Variants in AP1M1 observed in about 807,000 individuals in gnomAD.
AP1M1 encodes the protein adaptor related protein complex 1 subunit mu 1.
AP1M1 carries 18 observed loss-of-function variants against 57.1 expected under a neutral mutation model. The observed-to-expected ratio is 0.32, with a 90% CI of 0.22 to 0.47. The LOEUF is 0.47. Ranked by LOEUF, AP1M1 falls within the 20% of genes least tolerant of loss-of-function variation. AP1M1 has a pLI of 1.00. For synonymous variants in AP1M1, 241 were observed against 237.9 expected (o/e 1.01, Z -0.12); for missense variants, 362 against 593.5 (o/e 0.61, Z 4.05).
In AP1M1 at chr19:16,244,717, C is replaced by G. The variant is rs1450772183; in HGVS notation, c.*10282C>G. 1 of 151,814 alleles carries G rather than the reference C, an allele frequency of 6.6e-6. No homozygotes were observed. The highest frequency in any genetic ancestry group is 1.5e-5 in the Non-Finnish European group (1 of 67,906). The allele number at this position is 151,814 out of a possible 1,614,324, so 9.4% of individuals were successfully genotyped here. On this transcript the variant is annotated 3_prime_UTR_variant, in exon 12 of 12. Coordinates refer to ENST00000291439, the MANE Select transcript of AP1M1 (RefSeq NM_032493.4). ...CGGTGGCGGGCGCCTGTAGTCCCAG[C>G]TACTCCGGAGGCTGAGGCAGGAGAA...
intron 9 of AP1M1, among the ~76,000 whole-genome samples, chr19:16,230,973 A>G (rs980642156): frequency 2.0e-5 from 3 of 152,104 alleles, no homozygotes; most frequent in African/African-American, 7.2e-5. Flanking sequence ...GACAAAAGGA[A>G]CTGCAAAAAA....
chr19:16,199,960 C>T (rs1308396302), intron 1 of AP1M1, among the ~76,000 whole-genome samples: 2 of 152,184 alleles, frequency 1.3e-5, no homozygotes, highest in African/African-American at 4.8e-5. Context: ...GCTCAAAACC[C>T]ATCCCTGCTG....
chr19:16,221,107 A>C (rs2091542350), intron 5 of AP1M1, among the ~76,000 whole-genome samples: 1 of 152,090 alleles, frequency 6.6e-6, no homozygotes, highest in East Asian at 1.9e-4. Context: ...TGTTTCCTAA[A>C]ATATGGTTTT....
intron 5 of AP1M1, among the ~76,000 whole-genome samples, chr19:16,209,663 T>A (rs987745414): frequency 6.6e-6 from 1 of 151,744 alleles, no homozygotes; most frequent in Non-Finnish European, 1.5e-5. Context: ...TCAGAAAGAT[T>A]AGGATTTATT....
In AP1M1 at chr19:16,204,731, T is replaced by C. The variant is rs527558168; in HGVS notation, c.199+1116T>C. On this transcript the variant is annotated intron_variant, in intron 2 of 11. Transcript: ENST00000291439. The stretch of plus-strand genomic sequence containing the variant: ...CTGGTGGCCGGTGTGCACATTCCCA[T>C]GTGGGCCGTGCTGGCCCAGGGCTCC... Among the ~76,000 whole-genome samples, 9 of 152,224 alleles carry C rather than the reference T, an allele frequency of 5.9e-5. No homozygotes were observed. In the East Asian group the frequency reaches 1.7e-3, roughly 29 times the overall value.
intron 1 of AP1M1, among the ~76,000 whole-genome samples, chr19:16,199,239 C>T (rs1204732303): frequency 6.6e-6 from 1 of 152,088 alleles, no homozygotes; most frequent in Non-Finnish European, 1.5e-5. Context: ...AGCCTCAGCC[C>T]GAGGATGAGA....
In AP1M1 at chr19:16,207,915, T is replaced by A; in HGVS notation, c.268-104T>A. Reference sequence around the variant, plus strand: ...CCGAGCCTGGGAAGTAGGCTGTTGGTAGGACTTAGCGGGCAAATGAATGTG... The same window carrying A: ...CCGAGCCTGGGAAGTAGGCTGTTGGAAGGACTTAGCGGGCAAATGAATGTG... On this transcript the variant is annotated intron_variant, in intron 3 of 11. Coordinates refer to ENST00000291439, the MANE Select transcript of AP1M1 (RefSeq NM_032493.4). This position sits in a 1 kb window ranked among gnomAD's most constrained non-coding sequence, Gnocchi z 4.2. The A allele has an allele frequency of 7.0e-7, 1 of 1,430,334 alleles. No individual in the cohort carries two copies. Among genetic ancestry groups the A allele is most frequent in the South Asian group, 1.3e-5 (1 of 76,190 alleles). The allele number at this position is 1,430,334 out of a possible 1,614,324, so 88.6% of individuals were successfully genotyped here.
Position 16,243,496 on chromosome 19 carries a change from C to G in AP1M1, c.*9061C>G, listed in dbSNP as rs929999875. 7.0e-6 allele frequency: 1 copy of G among 142,758 alleles called. No individual in the cohort carries two copies. Among genetic ancestry groups the G allele is most frequent in the African/African-American group, 2.5e-5 (1 of 39,530 alleles). The allele number at this position is 142,758 out of a possible 1,614,324, so 8.8% of individuals were successfully genotyped here. On this transcript the variant is annotated 3_prime_UTR_variant, in exon 12 of 12. Coordinates refer to ENST00000291439, the MANE Select transcript of AP1M1 (RefSeq NM_032493.4). ...GTTTTGCCATGTTGCCCAGGCTGGT[C>G]TTGCACTTGGGCTCAAGTGATCCAC... is the stretch of plus-strand genomic sequence containing the variant.
chr19:16,240,922 A>G lies in AP1M1; in HGVS notation c.*6487A>G, dbSNP rs2091643429. On this transcript the variant is annotated 3_prime_UTR_variant, in exon 12 of 12. Coordinates refer to ENST00000291439, the MANE Select transcript of AP1M1 (RefSeq NM_032493.4). ...ATGTCTCTCCAAAGAGCAATTGGACAGAGAACTGGTTTCACAACTGGAACA... is the reference window on the plus strand; with the variant it reads ...ATGTCTCTCCAAAGAGCAATTGGACGGAGAACTGGTTTCACAACTGGAACA... 6.6e-6 allele frequency: 1 copy of G among 152,270 alleles called. No homozygotes were observed. Among genetic ancestry groups the G allele is most frequent in the African/African-American group, 2.4e-5 (1 of 41,474 alleles). The allele number at this position is 152,270 out of a possible 1,614,324, so 9.4% of individuals were successfully genotyped here.
At chr19:16,219,579 G>T (rs2091534113) in intron 5 of AP1M1, among the ~76,000 whole-genome samples, 1 of 151,924 alleles carries the variant, frequency 6.6e-6, no homozygotes, top group South Asian at 2.1e-4. Context: ...TGTATTTTTA[G>T]TAGAAACGGG....
chr19:16,204,663 C>G (rs2091462113), intron 2 of AP1M1, among the ~76,000 whole-genome samples: 1 of 152,200 alleles, frequency 6.6e-6, no homozygotes, highest in South Asian at 2.1e-4. Context: ...AGGCTCCACC[C>G]AGCCCTGCCC....
chr19:16,235,092 C>G lies in AP1M1; in HGVS notation c.*657C>G, dbSNP rs535681487. The stretch of plus-strand genomic sequence containing the variant: ...GGCCACTGTAGCGTCTGCCTGCTCC[C>G]TGGACTCGCAGGCCTCGCCTGTGGC... On this transcript the variant is annotated 3_prime_UTR_variant, in exon 12 of 12. Transcript: ENST00000291439. 2.0e-5 allele frequency: 3 copies of G among 152,696 alleles called. No individual in the cohort carries two copies. Among genetic ancestry groups the G allele is most frequent in the African/African-American group, 7.2e-5 (3 of 41,586 alleles). The allele number at this position is 152,696 out of a possible 1,614,324, so 9.5% of individuals were successfully genotyped here. A position where few individuals can be genotyped will look rare whatever the true frequency, so the allele number is the denominator to read the frequency against.
At chr19:16,218,178 C>G (rs1404521086) in intron 5 of AP1M1, among the ~76,000 whole-genome samples, 2 of 152,234 alleles carry the variant, frequency 1.3e-5, no homozygotes, top group Non-Finnish European at 2.9e-5. Context: ...TGGGGTAGCC[C>G]CGCTCCATAG....
In AP1M1 at chr19:16,243,702, G is replaced by A. The variant is rs945831414; in HGVS notation, c.*9267G>A. 3 of 152,104 alleles carry A rather than the reference G, an allele frequency of 2.0e-5. No individual in the cohort carries two copies. The highest frequency in any genetic ancestry group is 6.6e-5 in the Admixed American group (1 of 15,244). The allele number at this position is 152,104 out of a possible 1,614,324, so 9.4% of individuals were successfully genotyped here. A position where few individuals can be genotyped will look rare whatever the true frequency, so the allele number is the denominator to read the frequency against. On this transcript the variant is annotated 3_prime_UTR_variant, in exon 12 of 12. Coordinates refer to ENST00000291439, the MANE Select transcript of AP1M1 (RefSeq NM_032493.4). ...CATGTCTATAATCCCAGCACTTTAG[G>A]AGGCTGAAGCAGGTGAATCACTTGA...
At position 16,208,129 on chromosome 19, in the gene AP1M1, C is replaced by G; in HGVS notation, c.378C>G (p.Thr126=). 6.2e-7 allele frequency: 1 copy of G among 1,613,452 alleles called. No individual in the cohort carries two copies. The highest frequency in any genetic ancestry group is 8.5e-7 in the Non-Finnish European group (1 of 1,179,662). Residue 126 remains threonine (T), a synonymous_variant, in exon 4 of 12, where the codon ACC becomes ACG. Transcript: ENST00000291439. ...ELMDFGYPQT[T]DSKILQEYIT... is the part of the protein sequence containing the mutation. ...TGGACTTCGGCTACCCCCAGACCAC[C>G]GACAGCAAGATCCTGCAGGAGTGAG...
intron 1 of AP1M1, 136 bp downstream of exon 1, chr19:16,198,204 C>T: frequency 2.3e-6 from 2 of 862,254 alleles, no homozygotes; most frequent in Admixed American, 3.1e-5. Flanking sequence ...TAGACCTCAC[C>T]TGAGAGCCCC....
Position 16,209,099 on chromosome 19 carries a change from G to C in AP1M1, c.468G>C (p.Ala156=). Residue 156 remains alanine (A), a synonymous_variant, in exon 5 of 12, where the codon GCG becomes GCC. Coordinates refer to ENST00000291439, the MANE Select transcript of AP1M1 (RefSeq NM_032493.4). Reference sequence around the variant, plus strand: ...GGCCACCAGCCACCGTCACCAACGCGGTGTCCTGGCGGTCCGAAGGCATCA... The same window carrying C: ...GGCCACCAGCCACCGTCACCAACGCCGTGTCCTGGCGGTCCGAAGGCATCA... ...APRPPATVTN[A]VSWRSEGIKY... 2 of 1,614,192 alleles carry C rather than the reference G, an allele frequency of 1.2e-6. No homozygotes were observed. Among genetic ancestry groups the C allele is most frequent in the Non-Finnish European group, 1.7e-6 (2 of 1,180,040 alleles).
At position 16,227,995 on chromosome 19, in the gene AP1M1, G is replaced by C; in HGVS notation, c.817-142G>C. 1 of 918,466 alleles carries C rather than the reference G, an allele frequency of 1.1e-6. No individual in the cohort carries two copies. 56.9% of individuals were successfully genotyped at this position (918,466 alleles called of 1,614,324 possible). On this transcript the variant is annotated intron_variant, in intron 7 of 11. Transcript: ENST00000291439. This position sits in a 1 kb window ranked among gnomAD's most constrained non-coding sequence, Gnocchi z 6.2. ...CGGCCTGTCTGCCCTGGCCCTCCCT[G>C]ACGCTGGCTGTACGCTCCCTGCAGG...
intron 5 of AP1M1, among the ~76,000 whole-genome samples, chr19:16,209,453 C>G (rs558868404): frequency 1.3e-5 from 2 of 152,308 alleles, no homozygotes; most frequent in South Asian, 4.1e-4. Flanking sequence ...GCCTCAGCCT[C>G]CCGTGTAGCC....
Sources: gnomAD v4.1 joint callset for allele counts (sites outside exome capture counted in the v4.1 genomes callset) on GRCh38, gnomAD v4.1.1 for gene constraint, Gnocchi (gnomAD v3.1) non-coding constraint, MANE v1.5 for transcripts, NCBI Gene and HGNC (gene_info 2026-07-23, HGNC 2026-07-21) for gene names.